TMEM39A: variants seen among roughly 807,000 people sequenced by gnomAD.
The protein encoded by TMEM39A is transmembrane protein 39A, also known as suppressor of SQST-1 aggregates in rpl-43 mutants.
Under a neutral mutation model 51.9 loss-of-function variants are expected in TMEM39A, and 19 were observed. The ratio of observed to expected loss-of-function variants is 0.37; its 90% confidence interval spans 0.26 to 0.54. The LOEUF (loss-of-function observed/expected upper bound fraction) is 0.54. Among genes scored for constraint, TMEM39A ranks in the 20% least tolerant of loss-of-function variants. TMEM39A has a pLI of 0.88. For missense variants in TMEM39A, 433 were observed against 590.5 expected (o/e 0.73, Z 2.76); for synonymous variants, 197 against 220.2 (o/e 0.89, Z 0.93).
rs149896371 is a variant in TMEM39A at position 119,458,061 on chromosome 3, A to G, written c.293T>C (p.Val98Ala). The change falls in exon 3 of 9, where the codon GTG becomes GCG. Residue 98 changes from valine (V) to alanine (A), a missense_variant. Physicochemically the swap from Val to Ala is moderately conservative, Grantham distance 64. This residue lies in a region of TMEM39A where 170 missense variants were observed against 239.8 expected (regional missense o/e 0.71). Transcript: ENST00000319172. ...FIQYINIYKT[V>A]WWYPYNHPAS... is the part of the protein sequence containing the mutation. ...AGGATGATTGTAAGGATACCACCAC[A>G]CTGTTTTATAAATGTTGATGTACTG... 3.7e-6 allele frequency: 6 copies of G among 1,614,018 alleles called. No homozygotes were observed. In the African/African-American group the frequency reaches 8.0e-5, roughly 22 times the overall value.
At chr3:119,444,369 G>A (rs562495686) in intron 5 of TMEM39A, among the ~76,000 whole-genome samples, 1 of 152,112 alleles carries the variant, frequency 6.6e-6, no homozygotes, top group Non-Finnish European at 1.5e-5. Flanking sequence ...AACAATTCAT[G>A]TAAAATATAT....
chr3:119,449,712 T>C (rs1475045045), intron 4 of TMEM39A, among the ~76,000 whole-genome samples: 1 of 152,180 alleles, frequency 6.6e-6, no homozygotes, highest in African/African-American at 2.4e-5. Context: ...TTTTCCAAAT[T>C]TTTTTCAATA....
Position 119,457,331 on chromosome 3 carries a change from A to G in TMEM39A, c.336+687T>C, listed in dbSNP as rs143613687. Among the ~76,000 whole-genome samples the G allele has an allele frequency of 1.9e-4, 29 of 152,336 alleles. 1 individual carries two copies. In the East Asian group the frequency reaches 5.4e-3, roughly 28 times the overall value. On this transcript the variant is annotated intron_variant, in intron 3 of 8. Transcript: ENST00000319172. ...AGAAACCTACAATATATTTTTATGT[A>G]CTTCAGCAAAGACAGCCAATTTCTC...
intron 1 of TMEM39A, among the ~76,000 whole-genome samples, chr3:119,462,644 CGG>C (rs748269413): frequency 1.9e-4 from 1 of 5,308 alleles, no homozygotes; most frequent in Non-Finnish European, 3.1e-4. Flanking sequence ...GGGGGGGGGG[CGG>C]GGGGGGGGAG....
At chr3:119,442,855 T>A (rs1291233725) in intron 5 of TMEM39A, among the ~76,000 whole-genome samples, 2 of 151,332 alleles carry the variant, frequency 1.3e-5, no homozygotes, top group Non-Finnish European at 2.9e-5. Flanking sequence ...AGCCTAGGAG[T>A]TCGACACCAG....
intron 7 of TMEM39A, chr3:119,435,777 C>T: frequency 1.7e-6 from 2 of 1,187,766 alleles, no homozygotes; most frequent in Non-Finnish European, 2.2e-6. Context: ...GATGATACAC[C>T]TCATGGCCAT....
Position 119,429,124 on chromosome 3 carries a change from G to A in TMEM39A, c.*2857C>T, listed in dbSNP as rs551058946. Among the ~76,000 whole-genome samples, 6 of 151,858 alleles carry A rather than the reference G, an allele frequency of 4.0e-5. No individual in the cohort carries two copies. Among genetic ancestry groups the A allele is most frequent in the Admixed American group, 3.3e-4 (5 of 15,242 alleles). ...AATGAACTCGAACATCACTATCTCC[G>A]GCACCCAGCAGTGTTTGGCATATAA... On this transcript the variant is annotated 3_prime_UTR_variant, in exon 9 of 9. Coordinates refer to ENST00000319172, the MANE Select transcript of TMEM39A (RefSeq NM_018266.3).
rs894345398 is a variant in TMEM39A at position 119,463,593 on chromosome 3, T to C, written c.-332A>G. On this transcript the variant is annotated 5_prime_UTR_variant, in exon 1 of 9. Coordinates refer to ENST00000319172, the MANE Select transcript of TMEM39A (RefSeq NM_018266.3). ...AGCCTGATACTTCAGCACCCATCCC[T>C]AGCCTCCATTACCGCGGAGCTGAGC... The C allele has an allele frequency of 1.0e-5, 4 of 398,642 alleles. No individual in the cohort carries two copies. Among genetic ancestry groups the C allele is most frequent in the Non-Finnish European group, 8.8e-6 (2 of 226,148 alleles). The allele number at this position is 398,642 out of a possible 1,614,324, so 24.7% of individuals were successfully genotyped here.
intron 1 of TMEM39A, among the ~76,000 whole-genome samples, chr3:119,462,752 G>A (rs2081356576): frequency 6.6e-6 from 1 of 150,488 alleles, no homozygotes; most frequent in South Asian, 2.1e-4. Context: ...CTGTTCGAGT[G>A]GTATCTCTAT....
In TMEM39A at chr3:119,457,993, A is replaced by G. The variant is rs371320675; in HGVS notation, c.336+25T>C. 4 of 1,555,700 alleles carry G rather than the reference A, an allele frequency of 2.6e-6. No homozygotes were observed. The African/African-American group carries it at 5.4e-5, about 21-fold the overall frequency. On this transcript the variant is annotated intron_variant, in intron 3 of 8. Transcript: ENST00000319172. The stretch of plus-strand genomic sequence containing the variant: ...AGTTTCTTGGGTAAGTAACATGAAG[A>G]ACTTAAAGTCTGAGTAAGACTTACC...
intron 7 of TMEM39A, 130 bp from the exon 8 acceptor site, chr3:119,435,012 C>A: frequency 7.1e-7 from 1 of 1,410,336 alleles, no homozygotes; most frequent in Admixed American, 2.6e-5. Context: ...TCTGAAAATA[C>A]AGTAATTCCA....
intron 4 of TMEM39A, among the ~76,000 whole-genome samples, chr3:119,448,254 A>G (rs1304497411): frequency 1.3e-5 from 2 of 152,224 alleles, no homozygotes; most frequent in African/African-American, 4.8e-5. Flanking sequence ...ACTTGTCAAA[A>G]CTTACTCTGC....
chr3:119,437,971 T>G lies in TMEM39A; in HGVS notation c.708A>C (p.Lys236Asn). The G allele has an allele frequency of 6.2e-7, 1 of 1,614,172 alleles. No homozygotes were observed. Among genetic ancestry groups the G allele is most frequent in the South Asian group, 1.1e-5 (1 of 91,084 alleles). Residue 236 changes from lysine (K) to asparagine (N), a missense_variant, in exon 6 of 9, where the codon AAA becomes AAC. By Grantham distance (94) the Lys-to-Asn change is moderately conservative (BLOSUM62 0). Coordinates refer to ENST00000319172, the MANE Select transcript of TMEM39A (RefSeq NM_018266.3). Reference protein sequence around the residue: ...ESASTVGGLAKSKDFLSLLLE... With the variant: ...ESASTVGGLANSKDFLSLLLE... ...GCAACAAGGAGAGAAAGTCTTTGGA[T>G]TTGGCCAAGCCTCCCACAGTCGAGG... is the stretch of plus-strand genomic sequence containing the variant.
intron 7 of TMEM39A, chr3:119,435,236 T>C: frequency 1.0e-6 from 1 of 985,278 alleles, no homozygotes; most frequent in Non-Finnish European, 1.2e-6. Flanking sequence ...CTGGTGGAAA[T>C]GCTAGAGGGA....
rs772964607 is a variant in TMEM39A at position 119,434,753 on chromosome 3, G to A, written c.1233+9C>T. On this transcript the variant is annotated intron_variant, in intron 8 of 8. Coordinates refer to ENST00000319172, the MANE Select transcript of TMEM39A (RefSeq NM_018266.3). ...AGCTTATGTTTGAAAATAAATAAGC[G>A]GTACTTGCATAAAAGCGGGCATGAG... 1.2e-6 allele frequency: 2 copies of A among 1,613,148 alleles called. No homozygotes were observed. Among genetic ancestry groups the A allele is most frequent in the Non-Finnish European group, 1.7e-6 (2 of 1,179,400 alleles).
At chr3:119,451,324 T>C (rs1221024325) in intron 4 of TMEM39A, 2 of 1,284,612 alleles carry the variant, frequency 1.6e-6, no homozygotes, top group South Asian at 1.2e-5. Flanking sequence ...AGACCTTCCA[T>C]GTATGTTTTG....
chr3:119,452,206 A>C (rs1289959842), intron 4 of TMEM39A, among the ~76,000 whole-genome samples: 3 of 152,198 alleles, frequency 2.0e-5, no homozygotes, highest in Non-Finnish European at 4.4e-5. Flanking sequence ...AATTGTACTG[A>C]AAAACTCAGT....
chr3:119,442,162 G>A (rs1317976665), intron 5 of TMEM39A, among the ~76,000 whole-genome samples: 3 of 152,066 alleles, frequency 2.0e-5, no homozygotes, highest in South Asian at 2.1e-4. Flanking sequence ...CCAACATAGC[G>A]AAACCCCGAC....
At chr3:119,433,218 G>C (rs13094625) in intron 8 of TMEM39A, among the ~76,000 whole-genome samples, 22,066 of 152,088 alleles carry the variant, frequency 0.15, 2,011 homozygotes, top group Admixed American at 0.2. Flanking sequence ...GGTTCAAGAG[G>C]AAGAAAATGT....
Sources: gnomAD v4.1 joint callset for allele counts (sites outside exome capture counted in the v4.1 genomes callset) on GRCh38, gnomAD v4.1.1 for gene constraint, gnomAD v4.1.1 regional missense constraint, MANE v1.5 for transcripts, NCBI Gene and HGNC (gene_info 2026-07-23, HGNC 2026-07-21) for gene names.